Variants in CADM1 observed in about 807,000 individuals in gnomAD.
The protein encoded by CADM1 is cell adhesion molecule 1.
In CADM1, 15 loss-of-function variants were observed where a neutral mutation model predicts 53.1. The observed-to-expected ratio is 0.28, with a 90% CI of 0.19 to 0.44. CADM1 has a LOEUF of 0.44. Among genes scored for constraint, CADM1 ranks in the 20% least tolerant of loss-of-function variants. The pLI, the probability that CADM1 is intolerant of heterozygous loss-of-function variation, is 1.00. For missense variants in CADM1, 434 were observed against 611.3 expected, an observed-to-expected ratio of 0.71 and a Z score of 3.06; for synonymous variants, 281 against 243.0, an observed-to-expected ratio of 1.16 and a Z score of -1.45.
chr11:115,376,252 A>G (rs1272423199), intron 1 of CADM1, among the ~76,000 whole-genome samples: 4 of 152,212 alleles, frequency 2.6e-5, no homozygotes, highest in African/African-American at 7.2e-5. Flanking sequence ...TAAATGAGAT[A>G]CAACTCTTAG....
At chr11:115,327,740 T>C (rs182551377) in intron 1 of CADM1, among the ~76,000 whole-genome samples, 15 of 152,266 alleles carry the variant, frequency 9.9e-5, no homozygotes, top group Admixed American at 9.2e-4. Flanking sequence ...AGCCTCAGTG[T>C]CCTCATTTGT....
intron 10 of CADM1, among the ~76,000 whole-genome samples, chr11:115,184,660 A>G (rs779643468): frequency 1.2e-4 from 18 of 152,264 alleles, no homozygotes; most frequent in Non-Finnish European, 2.5e-4. Context: ...CATCCCAGGC[A>G]TCTACTACTA....
intron 1 of CADM1, among the ~76,000 whole-genome samples, chr11:115,478,846 T>C (rs1352173972): frequency 1.3e-5 from 2 of 152,092 alleles, no homozygotes; most frequent in African/African-American, 4.8e-5. Context: ...TCAGTAGATA[T>C]AGATCTACAT....
At chr11:115,252,115 C>T (rs187199298) in intron 1 of CADM1, among the ~76,000 whole-genome samples, 27 of 152,290 alleles carry the variant, frequency 1.8e-4, no homozygotes, top group East Asian at 1.9e-4. Context: ...ATGAGACCAT[C>T]GCACTTGGAA....
At chr11:115,225,965 G>A (rs996891871) in intron 5 of CADM1, among the ~76,000 whole-genome samples, 1 of 151,990 alleles carries the variant, frequency 6.6e-6, no homozygotes, top group Non-Finnish European at 1.5e-5. Context: ...TTAAACAAGT[G>A]AGCATATTTA....
At chr11:115,472,182 G>A (rs1309951758) in intron 1 of CADM1, among the ~76,000 whole-genome samples, 3 of 152,176 alleles carry the variant, frequency 2.0e-5, no homozygotes, top group African/African-American at 4.8e-5. Flanking sequence ...GAGGAGAAAC[G>A]GAACTCAGTT....
chr11:115,330,514 G>A (rs1257224882), intron 1 of CADM1, among the ~76,000 whole-genome samples: 1 of 152,070 alleles, frequency 6.6e-6, no homozygotes, highest in Non-Finnish European at 1.5e-5. Flanking sequence ...CCATGCTTCA[G>A]GACTGCTTTT....
rs185466985 is a variant in CADM1 at position 115,431,234 on chromosome 11, G to A, written c.124+73037C>T. Among the ~76,000 whole-genome samples the A allele has an allele frequency of 1.2e-4, 18 of 152,038 alleles. No individual in the cohort carries two copies. In the East Asian group the frequency reaches 2.7e-3, roughly 23 times the overall value. ...GGATTATTTCGTGTTATTTAATGTC[G>A]GTATGTCATTTATATGGCCTCATAA... is the stretch of plus-strand genomic sequence containing the variant. On this transcript the variant is annotated intron_variant, in intron 1 of 11. Transcript: ENST00000331581.
At chr11:115,455,126 C>G (rs1948654681) in intron 1 of CADM1, among the ~76,000 whole-genome samples, 1 of 152,118 alleles carries the variant, frequency 6.6e-6, no homozygotes, top group Non-Finnish European at 1.5e-5. Context: ...ACATTCTTTT[C>G]TTTTTTCAGA....
intron 1 of CADM1, among the ~76,000 whole-genome samples, chr11:115,328,848 T>C (rs1422412955): frequency 2.2e-5 from 3 of 138,342 alleles, no homozygotes; most frequent in Non-Finnish European, 3.2e-5. Flanking sequence ...TAAGAAGATG[T>C]ACATGAGAGA....
At chr11:115,363,934 A>G (rs1474954931) in intron 1 of CADM1, among the ~76,000 whole-genome samples, 2 of 152,150 alleles carry the variant, frequency 1.3e-5, no homozygotes, top group African/African-American at 4.8e-5. Flanking sequence ...TACTATATTC[A>G]TTACAGTAAC....
chr11:115,222,977 T>G (rs1171879927), intron 5 of CADM1, among the ~76,000 whole-genome samples: 1 of 152,132 alleles, frequency 6.6e-6, no homozygotes, highest in Non-Finnish European at 1.5e-5. Flanking sequence ...TGTTTTGTTT[T>G]GTTCTGTTTC....
intron 3 of CADM1, among the ~76,000 whole-genome samples, chr11:115,233,950 G>A (rs1484308371): frequency 1.3e-5 from 2 of 152,186 alleles, no homozygotes; most frequent in African/African-American, 4.8e-5. Flanking sequence ...CACTTTATCT[G>A]TATAACTTTG....
chr11:115,282,826 G>A (rs1943624258), intron 1 of CADM1, among the ~76,000 whole-genome samples: 1 of 152,212 alleles, frequency 6.6e-6, no homozygotes, highest in Non-Finnish European at 1.5e-5. Flanking sequence ...GATGGAAGAG[G>A]TTATAAATGG....
At chr11:115,221,272 C>A (rs1288771819) in intron 5 of CADM1, among the ~76,000 whole-genome samples, 1 of 152,138 alleles carries the variant, frequency 6.6e-6, no homozygotes, top group Non-Finnish European at 1.5e-5. Context: ...TCATCAACAG[C>A]CAATCAATTA....
chr11:115,365,521 G>T (rs1268705317), intron 1 of CADM1, among the ~76,000 whole-genome samples: 4 of 151,876 alleles, frequency 2.6e-5, no homozygotes, highest in Admixed American at 2.6e-4. Context: ...TTTCAACTAG[G>T]CCTTGACCTA....
chr11:115,448,683 G>A (rs559515517), intron 1 of CADM1, among the ~76,000 whole-genome samples: 5 of 151,452 alleles, frequency 3.3e-5, no homozygotes, highest in Non-Finnish European at 7.4e-5. Context: ...GGGTGGGGTG[G>A]AGCGCCACTC....
At chr11:115,492,084 TTAAAG>T (rs1027243901) in intron 1 of CADM1, among the ~76,000 whole-genome samples, 45 of 152,042 alleles carry the variant, frequency 3.0e-4, no homozygotes, top group Middle Eastern at 3.4e-3. Flanking sequence ...ACCCTAGAAC[TTAAAG>T]TAAAATAAAA....
intron 1 of CADM1, among the ~76,000 whole-genome samples, chr11:115,467,921 A>T (rs1349397712): frequency 2.0e-5 from 3 of 152,246 alleles, no homozygotes; most frequent in African/African-American, 7.2e-5. Flanking sequence ...TAAAGTTTAC[A>T]TTTCTCTTCT....
Sources: allele counts gnomAD v4.1 joint callset (sites outside exome capture counted in the v4.1 genomes callset), GRCh38; gene constraint gnomAD v4.1.1; transcripts MANE v1.5; gene names NCBI Gene and HGNC (gene_info 2026-07-23, HGNC 2026-07-21).